Variants in NAV2 observed in about 807,000 individuals in gnomAD.
NAV2 encodes helicase, APC down-regulated 1.
Under a neutral mutation model 223.2 loss-of-function variants are expected in NAV2, and 54 were observed. That is an observed-to-expected ratio of 0.24 (90% CI 0.19 to 0.30). NAV2 has a LOEUF of 0.30. NAV2 is among the 10% of genes least tolerant of loss of function. The pLI is 1.00. For missense variants in NAV2, 2,806 were observed against 3,147.5 expected (o/e 0.89, Z 2.60); for synonymous variants, 1,279 against 1,239.3 (o/e 1.03, Z -0.67).
intron 5 of NAV2, among the ~76,000 whole-genome samples, chr11:19,887,504 G>A (rs1438246076): frequency 6.6e-6 from 1 of 152,058 alleles, no homozygotes; most frequent in Non-Finnish European, 1.5e-5. Flanking sequence ...TGGTCAAATG[G>A]GGTAGTCTTG....
chr11:19,644,294 G>A (rs1388634891), intron 1 of NAV2, among the ~76,000 whole-genome samples: 3 of 152,224 alleles, frequency 2.0e-5, no homozygotes, highest in African/African-American at 7.2e-5. Context: ...TTGTCCTTGT[G>A]TATAGCCCCT....
chr11:19,504,828 G>A (rs967557412), intron 1 of NAV2: 186 of 152,304 alleles, frequency 1.2e-3, no homozygotes, highest in African/African-American at 3.9e-3. Context: ...GTTTCTGTGT[G>A]GGGGCCCTGT....
At chr11:19,482,219 T>C (rs925747728) in intron 1 of NAV2, among the ~76,000 whole-genome samples, 2 of 152,132 alleles carry the variant, frequency 1.3e-5, no homozygotes, top group African/African-American at 4.8e-5. Flanking sequence ...ATTTTATAGA[T>C]AGTGAAACTG....
intron 36 of NAV2, 86 bp from the exon 37 acceptor site, chr11:20,114,506 G>T: frequency 8.3e-7 from 1 of 1,203,754 alleles, no homozygotes; most frequent in Non-Finnish European, 1.2e-6. Context: ...TGCTGGATTT[G>T]GGGAGTTTTT....
At chr11:20,028,829 T>A (rs1193665028) in intron 11 of NAV2, among the ~76,000 whole-genome samples, 5 of 152,188 alleles carry the variant, frequency 3.3e-5, no homozygotes, top group Non-Finnish European at 7.3e-5. Flanking sequence ...TTTGGATAAA[T>A]AGCATGGTCT....
At chr11:19,869,223 T>C (rs556102541) in intron 4 of NAV2, among the ~76,000 whole-genome samples, 1 of 151,972 alleles carries the variant, frequency 6.6e-6, no homozygotes, top group South Asian at 2.1e-4. Flanking sequence ...CCTGAGAGGG[T>C]AGTGAAGGGG....
intron 35 of NAV2, among the ~76,000 whole-genome samples, chr11:20,106,020 A>G (rs2062002808): frequency 6.6e-6 from 1 of 151,552 alleles, no homozygotes; most frequent in Non-Finnish European, 1.5e-5. Flanking sequence ...GCTTTGCTTG[A>G]AAAATAAAAT....
chr11:19,739,977 C>T (rs2052651726), intron 1 of NAV2, among the ~76,000 whole-genome samples: 2 of 152,076 alleles, frequency 1.3e-5, no homozygotes, highest in South Asian at 4.2e-4. Context: ...TTATCCTCTC[C>T]TTGGAGAGGG....
At chr11:19,727,979 A>AC in intron 1 of NAV2, among the ~76,000 whole-genome samples, 1 of 152,010 alleles carries the variant, frequency 6.6e-6, no homozygotes, top group South Asian at 2.1e-4. Context: ...CCCCATTGAA[A>AC]CCACCTGGAG....
chr11:20,087,882 A>G (rs2060559434), intron 26 of NAV2, among the ~76,000 whole-genome samples: 1 of 152,122 alleles, frequency 6.6e-6, no homozygotes, highest in Non-Finnish European at 1.5e-5. Context: ...TGGAGTGAGT[A>G]ATGTACAAAG....
chr11:19,623,169 C>G (rs2047058571), intron 1 of NAV2, among the ~76,000 whole-genome samples: 1 of 152,208 alleles, frequency 6.6e-6, no homozygotes, highest in African/African-American at 2.4e-5. Flanking sequence ...TGTGGGCAAT[C>G]TGACCTTTCT....
intron 1 of NAV2, among the ~76,000 whole-genome samples, chr11:19,500,399 G>A (rs924467814): frequency 1.3e-5 from 2 of 152,154 alleles, no homozygotes; most frequent in African/African-American, 4.8e-5. Flanking sequence ...CAGACTTTTA[G>A]GGTAGTTTGT....
intron 1 of NAV2, among the ~76,000 whole-genome samples, chr11:19,670,230 G>A (rs923999538): frequency 2.0e-5 from 3 of 152,152 alleles, no homozygotes; most frequent in Non-Finnish European, 2.9e-5. Flanking sequence ...ACATCTCTGC[G>A]TAGGCCTCAG....
chr11:20,045,192 G>C lies in NAV2; in HGVS notation c.3424G>C (p.Val1142Leu). The C allele has an allele frequency of 5.6e-6, 9 of 1,614,190 alleles. No individual in the cohort carries two copies. Among genetic ancestry groups the C allele is most frequent in the East Asian group, 2.2e-5 (1 of 44,884 alleles). The change falls in exon 14 of 38, where the codon GTC becomes CTC. Residue 1142 changes from valine to leucine, a missense_variant. Physicochemically the swap from Val to Leu is conservative, Grantham distance 32 (BLOSUM62 1). Around this residue, in one of 4 missense-constraint regions of NAV2, gnomAD observed 742 missense variants for 777.9 expected, o/e 0.95. Coordinates refer to ENST00000349880, the MANE Select transcript of NAV2 (RefSeq NM_145117.5). Reference protein sequence around the residue: ...LAMITASGVTVTSRSATLGKI... With the variant: ...LAMITASGVTLTSRSATLGKI... ...CATGATCACAGCCAGCGGGGTGACT[G>C]TCACCAGCAGGTCAGCCACACTGGG... is the stretch of plus-strand genomic sequence containing the variant.
Position 19,933,115 on chromosome 11 carries a change from C to T in NAV2, c.932-61C>T. On this transcript the variant is annotated intron_variant, in intron 6 of 37. Coordinates refer to ENST00000349880, the MANE Select transcript of NAV2 (RefSeq NM_145117.5). This position sits in a 1 kb window ranked among gnomAD's most constrained non-coding sequence, Gnocchi z 4.3. ...TGGTTGTGTGGCCATGGCTGACCCT[C>T]CCTGGTCTTCAGTGCAGGTCAACAA... 2 of 1,470,458 alleles carry T rather than the reference C, an allele frequency of 1.4e-6. No individual in the cohort carries two copies. Among genetic ancestry groups the T allele is most frequent in the Non-Finnish European group, 1.8e-6 (2 of 1,107,814 alleles). 91.1% of individuals were successfully genotyped at this position (1,470,458 alleles called of 1,614,324 possible).
At chr11:19,873,738 G>A (rs758760311) in intron 4 of NAV2, among the ~76,000 whole-genome samples, 1 of 152,128 alleles carries the variant, frequency 6.6e-6, no homozygotes, top group Non-Finnish European at 1.5e-5. Context: ...CATTGACTGA[G>A]ACCTTCAGTT....
At chr11:19,983,371 A>G (rs1362539398) in intron 10 of NAV2, among the ~76,000 whole-genome samples, 1 of 152,242 alleles carries the variant, frequency 6.6e-6, no homozygotes, top group Non-Finnish European at 1.5e-5. Flanking sequence ...TATTACCAAA[A>G]AAAGAATAAA....
At chr11:19,598,882 CTG>C (rs35122511) in intron 1 of NAV2, among the ~76,000 whole-genome samples, 38,079 of 151,312 alleles carry the variant, frequency 0.25, 11,407 homozygotes, top group African/African-American at 0.72. Flanking sequence ...CTTTTATGGC[CTG>C]TGTGTGTGTG....
At chr11:20,076,015 C>G (rs1042644741) in intron 22 of NAV2, among the ~76,000 whole-genome samples, 5 of 152,152 alleles carry the variant, frequency 3.3e-5, no homozygotes, top group African/African-American at 2.4e-5. Context: ...CCCAAACCTC[C>G]TTTTTTCCCC....
Sources: allele counts gnomAD v4.1 joint callset (sites outside exome capture counted in the v4.1 genomes callset), GRCh38; gene constraint gnomAD v4.1.1; regional missense constraint gnomAD v4.1.1; non-coding constraint Gnocchi (gnomAD v3.1); transcripts MANE v1.5; gene names NCBI Gene and HGNC (gene_info 2026-07-23, HGNC 2026-07-21).